Variants in EMP2 observed in about 807,000 individuals in gnomAD.
EMP2 encodes the protein epithelial membrane protein 2.
A neutral mutation model predicts 13.7 loss-of-function variants in EMP2; 19 were observed. That is an observed-to-expected ratio of 1.38 (90% CI 0.97 to 2.03). The LOEUF (loss-of-function observed/expected upper bound fraction) is 2.03. Ranked by LOEUF, EMP2 falls within the 30% of genes most tolerant of loss-of-function variation. The probability of loss-of-function intolerance (pLI) is 0.00; values close to 1 mark genes in which losing one functional copy is unlikely to be tolerated. For missense variants in EMP2, 253 were observed against 220.7 expected (o/e 1.15, Z -0.93); for synonymous variants, 97 against 84.7 (o/e 1.15, Z -0.80).
chr16:10,552,263 T>C (rs1400592702), intron 1 of EMP2, among the ~76,000 whole-genome samples: 11 of 152,082 alleles, frequency 7.2e-5, no homozygotes, highest in Admixed American at 5.2e-4. Flanking sequence ...AGGGTGATAA[T>C]AGCTTCATAT....
intron 4 of EMP2, among the ~76,000 whole-genome samples, chr16:10,533,974 G>T (rs569524882): frequency 1.1e-4 from 17 of 152,108 alleles, no homozygotes; most frequent in African/African-American, 3.6e-4. Flanking sequence ...AATTAGCCGG[G>T]TGTGGTGGTA....
intron 4 of EMP2, among the ~76,000 whole-genome samples, chr16:10,533,936 A>C (rs1437008286): frequency 1.3e-5 from 2 of 152,056 alleles, no homozygotes; most frequent in African/African-American, 4.8e-5. Context: ...CAACATGGTG[A>C]AACCCCGTCC....
intron 1 of EMP2, among the ~76,000 whole-genome samples, chr16:10,566,879 A>T (rs2142205310): frequency 6.6e-6 from 1 of 152,168 alleles, no homozygotes; most frequent in East Asian, 1.9e-4. Context: ...GGTTGGTTTC[A>T]TGCCTCAAAC....
intron 3 of EMP2, among the ~76,000 whole-genome samples, chr16:10,540,851 G>A (rs2050690079): frequency 6.6e-6 from 1 of 152,192 alleles, no homozygotes; most frequent in Admixed American, 6.5e-5. Context: ...GGCCACAGTG[G>A]GTGAAGTGGG....
rs115063368 is a variant in EMP2, at chr16:10,553,684, A to G, written c.-60-6007T>C. Among the ~76,000 whole-genome samples the G allele has an allele frequency of 3.0e-3, 460 of 152,310 alleles. 4 individuals are homozygous for G. Among genetic ancestry groups the G allele is most frequent in the African/African-American group, 0.011 (439 of 41,566 alleles). On this transcript the variant is annotated intron_variant, in intron 1 of 4. Transcript: ENST00000359543. ...CAGAGAACATTCTTTCCCTGTGCCT[A>G]CGAATCCACCTCATTCCTTGGGCTG... is the stretch of plus-strand genomic sequence containing the variant.
At chr16:10,553,325 C>T (rs767877563) in intron 1 of EMP2, among the ~76,000 whole-genome samples, 18 of 152,374 alleles carry the variant, frequency 1.2e-4, no homozygotes, top group African/African-American at 4.1e-4. Context: ...TTATTCTTCA[C>T]TCCACGTTTC....
intron 1 of EMP2, among the ~76,000 whole-genome samples, chr16:10,571,250 C>G (rs1596382533): frequency 9.6e-6 from 1 of 104,654 alleles, no homozygotes; most frequent in African/African-American, 4.2e-5. Flanking sequence ...AGCAAGACTC[C>G]GTCTCAAAAA....
chr16:10,555,863 A>G (rs1466642242), intron 1 of EMP2, among the ~76,000 whole-genome samples: 1 of 152,234 alleles, frequency 6.6e-6, no homozygotes, highest in Non-Finnish European at 1.5e-5. Context: ...CTGGGATTAT[A>G]GGCATGAGCC....
chr16:10,556,220 A>G (rs1166189295), intron 1 of EMP2, among the ~76,000 whole-genome samples: 1 of 151,446 alleles, frequency 6.6e-6, no homozygotes, highest in Non-Finnish European at 1.5e-5. Context: ...TCTTCCCTCC[A>G]TCTTTCCTTC....
At chr16:10,537,662 T>G (rs1471368331) in intron 4 of EMP2, among the ~76,000 whole-genome samples, 1 of 151,934 alleles carries the variant, frequency 6.6e-6, no homozygotes, top group Non-Finnish European at 1.5e-5. Flanking sequence ...ACCCTCCAGA[T>G]CCTCTGGCTT....
chr16:10,574,500 C>T (rs2050969131), intron 1 of EMP2, among the ~76,000 whole-genome samples: 1 of 152,134 alleles, frequency 6.6e-6, no homozygotes, highest in African/African-American at 2.4e-5. Context: ...ACAAACCATG[C>T]ACCCACTGCT....
chr16:10,535,017 A>G (rs1236001112), intron 4 of EMP2, among the ~76,000 whole-genome samples: 5 of 152,176 alleles, frequency 3.3e-5, no homozygotes, highest in Non-Finnish European at 5.9e-5. Context: ...CTTGATTCTG[A>G]CAGCACCTCC....
At chr16:10,573,894 C>A (rs893755252) in intron 1 of EMP2, among the ~76,000 whole-genome samples, 9 of 149,622 alleles carry the variant, frequency 6.0e-5, no homozygotes, top group African/African-American at 2.2e-4. Flanking sequence ...TCAGTAATGC[C>A]ATAAAGCTCT....
At chr16:10,561,506 A>G (rs1036949978) in intron 1 of EMP2, among the ~76,000 whole-genome samples, 3 of 152,166 alleles carry the variant, frequency 2.0e-5, no homozygotes, top group African/African-American at 7.2e-5. Context: ...TGGGAGGGCA[A>G]CCAAGAGCAC....
intron 2 of EMP2, chr16:10,545,992 A>G (rs1386669202): frequency 6.6e-6 from 1 of 152,192 alleles, no homozygotes; most frequent in African/African-American, 2.4e-5. Context: ...AATGGCTCAA[A>G]TCCTGGCTCT....
intron 1 of EMP2, among the ~76,000 whole-genome samples, chr16:10,562,376 C>CTA (rs1567208445): frequency 7.5e-5 from 10 of 132,910 alleles, no homozygotes; most frequent in African/African-American, 2.4e-4. Context: ...CTCTCTCTCT[C>CTA]TCTCTATCTA....
intron 4 of EMP2, among the ~76,000 whole-genome samples, chr16:10,534,708 G>A (rs1818597518): frequency 6.6e-6 from 1 of 152,234 alleles, no homozygotes; most frequent in African/African-American, 2.4e-5. Context: ...GGAGGTTGCA[G>A]CGAGCCAAGG....
At chr16:10,571,858 G>A (rs1489263644) in intron 1 of EMP2, among the ~76,000 whole-genome samples, 4 of 152,212 alleles carry the variant, frequency 2.6e-5, no homozygotes, top group East Asian at 1.9e-4. Context: ...AGTGATGGGC[G>A]GTAGTGGTGT....
intron 1 of EMP2, among the ~76,000 whole-genome samples, chr16:10,564,716 G>T (rs1356777681): frequency 6.6e-6 from 1 of 151,856 alleles, no homozygotes; most frequent in Non-Finnish European, 1.5e-5. Flanking sequence ...TCTCAGAAAG[G>T]AAGCCACCAA....
Sources: allele counts gnomAD v4.1 joint callset (sites outside exome capture counted in the v4.1 genomes callset), GRCh38; gene constraint gnomAD v4.1.1; transcripts MANE v1.5; gene names NCBI Gene and HGNC (gene_info 2026-07-23, HGNC 2026-07-21).